Variants in TENM2 observed in about 807,000 individuals in gnomAD.
The protein encoded by TENM2 is teneurin-2.
In TENM2, 52 loss-of-function variants were observed where a neutral mutation model predicts 245.2. The observed-to-expected ratio is 0.21, with a 90% confidence interval of 0.17 to 0.27. The LOEUF (loss-of-function observed/expected upper bound fraction) is 0.27, where lower values mean the gene tolerates loss of function less well. TENM2 is among the 10% of genes least tolerant of loss of function. TENM2 has a pLI of 1.00. For synonymous variants in TENM2, 1,363 were observed against 1,438.9 expected (o/e 0.95, Z 1.19); for missense variants, 3,046 against 3,666.8 (o/e 0.83, Z 4.37).
At chr5:167,203,472 T>C in the TENM2 span, among the ~76,000 whole-genome samples, 37,717 of 152,124 alleles carry the variant, frequency 0.25, 6,409 homozygotes, top group African/African-American at 0.48. Flanking sequence ...TTAACTATCA[T>C]CACTTTCATG....
At chr5:167,231,199 C>G in the TENM2 span, among the ~76,000 whole-genome samples, 19 of 152,262 alleles carry the variant, frequency 1.2e-4, no homozygotes, top group Middle Eastern at 6.8e-3. Context: ...TAAATTGGTA[C>G]TGGGACTGGA....
intron 2 of TENM2, among the ~76,000 whole-genome samples, chr5:167,555,513 T>C (rs1388378230): frequency 6.6e-6 from 1 of 152,218 alleles, no homozygotes; most frequent in Admixed American, 6.5e-5. Context: ...TACGGCTTTT[T>C]GTACAACATA....
At chr5:167,558,695 G>A (rs183730860) in intron 2 of TENM2, among the ~76,000 whole-genome samples, 1 of 152,072 alleles carries the variant, frequency 6.6e-6, no homozygotes, top group African/African-American at 2.4e-5. Flanking sequence ...CAAGCTCAGG[G>A]CTCCCACTGA....
chr5:167,343,773 T>C (rs1025406537), intron 1 of TENM2, among the ~76,000 whole-genome samples: 5 of 152,216 alleles, frequency 3.3e-5, no homozygotes, highest in Non-Finnish European at 5.9e-5. Context: ...AATTATATTT[T>C]GGTTTTATTT....
chr5:167,678,791 A>G (rs995243824), intron 2 of TENM2, among the ~76,000 whole-genome samples: 13 of 152,232 alleles, frequency 8.5e-5, no homozygotes, highest in African/African-American at 2.6e-4. Flanking sequence ...ATTGCTTCAA[A>G]TCCGTATTTT....
At chr5:167,987,647 T>G (rs1052709757) in intron 4 of TENM2, among the ~76,000 whole-genome samples, 25 of 152,160 alleles carry the variant, frequency 1.6e-4, no homozygotes, top group Admixed American at 1.2e-3. Flanking sequence ...ATCGATATAC[T>G]CCCAGACTCC....
At chr5:167,864,658 T>C (rs964938717) in intron 2 of TENM2, among the ~76,000 whole-genome samples, 4 of 152,356 alleles carry the variant, frequency 2.6e-5, no homozygotes, top group Admixed American at 2.0e-4. Flanking sequence ...AAATTCTCTG[T>C]GCACTGTGGC....
the TENM2 span, among the ~76,000 whole-genome samples, chr5:167,249,836 TAGAC>T: frequency 6.6e-6 from 1 of 151,094 alleles, no homozygotes; most frequent in Non-Finnish European, 1.5e-5. Context: ...TTCTCTATGA[TAGAC>T]AGAAACTTTG....
intron 2 of TENM2, among the ~76,000 whole-genome samples, chr5:167,379,931 C>CAAAAAAAAAAAAAAAAAAAAAAAAAAA (rs10622295): frequency 7.6e-6 from 1 of 132,268 alleles, no homozygotes; most frequent in African/African-American, 2.7e-5. Context: ...AAAAACATAC[C>CAAAAAAAAAAAAAAAAAAAAAAAAAAA]AAAAAAAAAA....
chr5:167,373,394 G>T (rs1301966260), intron 1 of TENM2, among the ~76,000 whole-genome samples: 2 of 152,220 alleles, frequency 1.3e-5, no homozygotes, highest in Admixed American at 1.3e-4. Flanking sequence ...GATAAGGAAT[G>T]ATCTTAATGT....
chr5:168,000,984 T>G (rs1390903122), intron 5 of TENM2, among the ~76,000 whole-genome samples: 2 of 151,834 alleles, frequency 1.3e-5, no homozygotes, highest in African/African-American at 4.9e-5. Flanking sequence ...CCAGGTCCAA[T>G]GAGAAGAGTA....
At chr5:167,864,201 AAC>A (rs1315079137) in intron 2 of TENM2, among the ~76,000 whole-genome samples, 1 of 152,182 alleles carries the variant, frequency 6.6e-6, no homozygotes, top group East Asian at 1.9e-4. Context: ...CACATAGCAA[AAC>A]ACAGATTTAC....
chr5:167,971,264 GAA>G lies in TENM2; in HGVS notation c.947+18444_947+18445del, dbSNP rs1402506018. On this transcript the variant is annotated intron_variant, in intron 4 of 28. Coordinates refer to ENST00000518659, the Ensembl canonical transcript of TENM2. ...ATAAAGGGAGGCAGAGAGAGAGAGAGAAAGAAAGGGGAAAAAGGGACCTGGTG... is the reference window on the plus strand; with the variant it reads ...ATAAAGGGAGGCAGAGAGAGAGAGAGAGAAAGGGGAAAAAGGGACCTGGTG... Among the ~76,000 whole-genome samples, 5 of 49,200 alleles carry G rather than the reference GAA, an allele frequency of 1.0e-4. No individual in the cohort carries two copies. The South Asian group carries it at 3.2e-3, about 32-fold the overall frequency. The allele number at this position is 49,200 out of a possible 152,430, so 32.3% of individuals were successfully genotyped here.
chr5:167,121,212 G>C, the TENM2 span, among the ~76,000 whole-genome samples: 3 of 151,798 alleles, frequency 2.0e-5, no homozygotes, highest in African/African-American at 7.3e-5. Flanking sequence ...TATTCCAGTG[G>C]GAATTGGCAG....
At chr5:168,084,713 G>T in intron 7 of TENM2, among the ~76,000 whole-genome samples, 1 of 152,314 alleles carries the variant, frequency 6.6e-6, no homozygotes, top group South Asian at 2.1e-4. Context: ...TACAGGTAGA[G>T]TGGCGTTTAG....
intron 3 of TENM2, among the ~76,000 whole-genome samples, chr5:167,885,745 A>C (rs1442068659): frequency 6.6e-6 from 1 of 152,134 alleles, no homozygotes; most frequent in African/African-American, 2.4e-5. Context: ...GTGCAATGGC[A>C]TGGTCTTGGC....
chr5:167,176,993 C>G, the TENM2 span, among the ~76,000 whole-genome samples: 1 of 152,166 alleles, frequency 6.6e-6, no homozygotes, highest in African/African-American at 2.4e-5. Flanking sequence ...AACGTCAAAG[C>G]TTTTCCAAGT....
intron 23 of TENM2, among the ~76,000 whole-genome samples, chr5:168,224,391 T>C (rs57919569): frequency 0.037 from 5,665 of 152,290 alleles, 342 homozygotes; most frequent in African/African-American, 0.13. Context: ...TACAGCTTAA[T>C]GTGATTGCAC....
intron 9 of TENM2, among the ~76,000 whole-genome samples, chr5:168,105,225 G>C (rs1442474537): frequency 6.6e-6 from 1 of 152,212 alleles, no homozygotes; most frequent in African/African-American, 2.4e-5. Context: ...TATACTCACA[G>C]ATTCTAGAGA....
Sources: gnomAD v4.1 joint callset for allele counts (sites outside exome capture counted in the v4.1 genomes callset) on GRCh38, gnomAD v4.1.1 for gene constraint, MANE v1.5 for transcripts, NCBI Gene and HGNC (gene_info 2026-07-23, HGNC 2026-07-21) for gene names.